The following MED27 variants were observed in gnomAD, a reference collection of about 807,000 sequenced individuals.
The protein encoded by MED27 is mediator complex subunit 27, also known as mediator of RNA polymerase II transcription subunit 27.
A neutral mutation model predicts 38.2 loss-of-function variants in MED27; 30 were observed. That is an observed-to-expected ratio of 0.79 (90% CI 0.59 to 1.07). The LOEUF is 1.07. Ranked by LOEUF, MED27 falls within the 50% of genes least tolerant of loss-of-function variation. The pLI is 0.00. For missense variants in MED27, 289 were observed against 397.5 expected (o/e 0.73, Z 2.32); for synonymous variants, 122 against 153.5 (o/e 0.79, Z 1.52).
intron 2 of MED27, among the ~76,000 whole-genome samples, chr9:132,075,615 C>T (rs776160043): frequency 3.3e-5 from 5 of 152,208 alleles, no homozygotes; most frequent in Non-Finnish European, 5.9e-5. Flanking sequence ...GATTAAACTA[C>T]CTTCATTCAA....
intron 3 of MED27, among the ~76,000 whole-genome samples, chr9:131,951,576 C>T (rs1341705240): frequency 6.6e-6 from 1 of 152,238 alleles, no homozygotes; most frequent in Admixed American, 6.5e-5. Context: ...GGACAAGTTA[C>T]TTTAACCTCT....
At chr9:131,953,955 T>C (rs1341537144) in intron 3 of MED27, among the ~76,000 whole-genome samples, 1 of 151,968 alleles carries the variant, frequency 6.6e-6, no homozygotes, top group African/African-American at 2.4e-5. Context: ...GTAGTTAGGA[T>C]TACAGGCCCC....
chr9:131,891,563 C>T (rs1839229292), intron 5 of MED27, among the ~76,000 whole-genome samples: 1 of 152,206 alleles, frequency 6.6e-6, no homozygotes, highest in Non-Finnish European at 1.5e-5. Context: ...AGTAAAGAAA[C>T]CCACTGAACT....
intron 2 of MED27, among the ~76,000 whole-genome samples, chr9:132,038,931 C>T (rs969110887): frequency 2.0e-5 from 3 of 152,174 alleles, no homozygotes; most frequent in Non-Finnish European, 2.9e-5. Flanking sequence ...TGACACTCTG[C>T]CTGCTGGTAG....
At chr9:131,966,947 C>T (rs1422258833) in intron 3 of MED27, among the ~76,000 whole-genome samples, 5 of 152,240 alleles carry the variant, frequency 3.3e-5, no homozygotes, top group Non-Finnish European at 7.3e-5. Context: ...CTTCACTCTT[C>T]ACTAGCTGTG....
intron 3 of MED27, among the ~76,000 whole-genome samples, chr9:131,979,310 T>C (rs1282174616): frequency 6.6e-6 from 1 of 152,108 alleles, no homozygotes. Context: ...ATGAATGAAA[T>C]CAGGTAAGAT....
At chr9:131,993,824 C>T (rs939083393) in intron 3 of MED27, among the ~76,000 whole-genome samples, 1 of 152,184 alleles carries the variant, frequency 6.6e-6, no homozygotes, top group Non-Finnish European at 1.5e-5. Context: ...TGGGTCTTCT[C>T]CGTACACTCT....
intron 2 of MED27, among the ~76,000 whole-genome samples, chr9:132,050,503 TAAAAG>T (rs1833441585): frequency 6.6e-6 from 1 of 152,180 alleles, no homozygotes; most frequent in South Asian, 2.1e-4. Context: ...AGTCGCTCTG[TAAAAG>T]ACAGGGTCCA....
intron 3 of MED27, among the ~76,000 whole-genome samples, chr9:131,962,435 C>T (rs779985087): frequency 6.6e-6 from 1 of 152,120 alleles, no homozygotes; most frequent in Non-Finnish European, 1.5e-5. Flanking sequence ...GACAGGGTTT[C>T]ACCATGTTGT....
intron 4 of MED27, among the ~76,000 whole-genome samples, chr9:131,906,385 C>T (rs1213894680): frequency 6.6e-6 from 1 of 152,306 alleles, no homozygotes; most frequent in East Asian, 1.9e-4. Flanking sequence ...ATGCCCAGTG[C>T]CGGAGCAGAG....
intron 4 of MED27, among the ~76,000 whole-genome samples, chr9:131,937,182 T>C (rs1348106789): frequency 2.0e-5 from 3 of 152,160 alleles, no homozygotes; most frequent in East Asian, 3.8e-4. Flanking sequence ...GCCTAGAGAT[T>C]TGCCATCTCA....
At chr9:131,963,647 G>A (rs996833365) in intron 3 of MED27, among the ~76,000 whole-genome samples, 1 of 152,096 alleles carries the variant, frequency 6.6e-6, no homozygotes, top group Non-Finnish European at 1.5e-5. Context: ...CTATTTTTAT[G>A]AGTATCTTTT....
At position 131,863,024 on chromosome 9, in the gene MED27, G is replaced by A. The variant is rs139892629; in HGVS notation, c.801+39C>T. The stretch of plus-strand genomic sequence containing the variant: ...TCCCTGTTCTCACTTGAAGGGAGCT[G>A]AGGTTTAAACAGGAGACCTGACTCT... On this transcript the variant is annotated intron_variant, in intron 7 of 7. Coordinates refer to ENST00000292035, the MANE Select transcript of MED27 (RefSeq NM_004269.4). 1,098 of 1,581,298 alleles carry A rather than the reference G, an allele frequency of 6.9e-4. 5 individuals carry two copies. In the African/African-American group the frequency reaches 0.012, roughly 17 times the overall value.
At chr9:131,970,843 T>C (rs1831461055) in intron 3 of MED27, among the ~76,000 whole-genome samples, 2 of 152,174 alleles carry the variant, frequency 1.3e-5, no homozygotes, top group Non-Finnish European at 2.9e-5. Context: ...AAACAGATCA[T>C]GTGGAGTTCG....
intron 3 of MED27, among the ~76,000 whole-genome samples, chr9:132,009,135 C>T (rs552284462): frequency 1.4e-3 from 213 of 152,212 alleles, no homozygotes; most frequent in African/African-American, 5.1e-3. Context: ...TCAGAACTTC[C>T]CAAAAACCAA....
intron 6 of MED27, among the ~76,000 whole-genome samples, chr9:131,874,134 T>C (rs756046331): frequency 6.6e-6 from 1 of 152,210 alleles, no homozygotes; most frequent in Non-Finnish European, 1.5e-5. Flanking sequence ...TGCCGGCTCC[T>C]GGAGGAATCC....
intron 3 of MED27, among the ~76,000 whole-genome samples, chr9:132,012,971 T>A (rs1484885118): frequency 1.3e-5 from 2 of 151,968 alleles, no homozygotes; most frequent in Admixed American, 6.6e-5. Context: ...ATGCCAACAC[T>A]CCCTTGGACT....
intron 6 of MED27, chr9:131,869,466 G>C: frequency 1.1e-6 from 1 of 944,974 alleles, no homozygotes. Context: ...CCCATTGTGC[G>C]GCAAAGCTAA....
intron 3 of MED27, among the ~76,000 whole-genome samples, chr9:131,979,874 C>T (rs1831693478): frequency 8.4e-6 from 1 of 118,788 alleles, no homozygotes; most frequent in African/African-American, 3.0e-5. Context: ...GAGAACTCAC[C>T]CTCGAGATTC....
Sources: allele counts gnomAD v4.1 joint callset (sites outside exome capture counted in the v4.1 genomes callset), GRCh38; gene constraint gnomAD v4.1.1; transcripts MANE v1.5; gene names NCBI Gene and HGNC (gene_info 2026-07-23, HGNC 2026-07-21).